LYRM4: variants seen among roughly 807,000 people sequenced by gnomAD.
LYRM4 encodes the protein LYR motif-containing protein 4.
In LYRM4, 9 loss-of-function variants were observed where a neutral mutation model predicts 11.7. The ratio of observed to expected loss-of-function variants is 0.77; its 90% CI spans 0.46 to 1.34. The LOEUF is 1.34. Ranked by LOEUF, LYRM4 falls within the 40% of genes most tolerant of loss-of-function variation. LYRM4 has a pLI of 0.00. For missense variants in LYRM4, 133 were observed against 112.5 expected (o/e 1.18, Z -0.82); for synonymous variants, 42 against 40.4 (o/e 1.04, Z -0.15).
the LYRM4 span, chr6:5,066,873 G>A: frequency 4.1e-6 from 4 of 978,164 alleles, no homozygotes; most frequent in Non-Finnish European, 6.2e-6. Context: ...GTTCCTCGCC[G>A]GCAAGTGCTT....
chr6:5,203,727 T>C (rs1258072210), intron 2 of LYRM4, among the ~76,000 whole-genome samples: 6 of 152,218 alleles, frequency 3.9e-5, no homozygotes, highest in Non-Finnish European at 8.8e-5. Flanking sequence ...ACGTGTATTA[T>C]AACAAGAACA....
intron 2 of LYRM4, among the ~76,000 whole-genome samples, chr6:5,124,118 A>C (rs7757651): frequency 0.18 from 27,693 of 152,082 alleles, 2,758 homozygotes; most frequent in African/African-American, 0.24. Flanking sequence ...GGGCTGTCTT[A>C]GGGCCTGGGG....
the LYRM4 span, chr6:5,086,559 C>G: frequency 7.2e-6 from 11 of 1,518,740 alleles, no homozygotes; most frequent in Non-Finnish European, 9.7e-6. Context: ...CGGACGCGCT[C>G]TGAGCCTGGA....
chr6:5,109,352 C>T lies in LYRM4; in HGVS notation c.*71G>A, dbSNP rs1762771153. Reference sequence around the variant, plus strand: ...GGCTATTGTAAGCTGGTTTTGGGAGCCCCCATCTCAAACAGAGAGTGGATG... The same window carrying T: ...GGCTATTGTAAGCTGGTTTTGGGAGTCCCCATCTCAAACAGAGAGTGGATG... On this transcript the variant is annotated 3_prime_UTR_variant, in exon 3 of 3. Transcript: ENST00000330636. The T allele has an allele frequency of 6.2e-7, 1 of 1,602,700 alleles. No individual in the cohort carries two copies. Among genetic ancestry groups the T allele is most frequent in the African/African-American group, 1.3e-5 (1 of 74,738 alleles).
At chr6:5,223,416 G>C (rs560505999) in intron 1 of LYRM4, among the ~76,000 whole-genome samples, 5 of 152,126 alleles carry the variant, frequency 3.3e-5, no homozygotes, top group African/African-American at 1.2e-4. Flanking sequence ...CGCATGTCTC[G>C]TAAGTGGCAG....
At chr6:5,179,102 G>T in intron 2 of LYRM4, among the ~76,000 whole-genome samples, 1 of 142,250 alleles carries the variant, frequency 7.0e-6, no homozygotes, top group African/African-American at 2.6e-5. Context: ...AAGAAAAGAG[G>T]AAACACCCCT....
At chr6:5,057,763 A>C in the LYRM4 span, among the ~76,000 whole-genome samples, 1 of 148,078 alleles carries the variant, frequency 6.8e-6, no homozygotes. Flanking sequence ...TGAAACGCTC[A>C]CTTTTTTTTT....
the LYRM4 span, among the ~76,000 whole-genome samples, chr6:5,063,308 G>A: frequency 4.6e-5 from 7 of 151,558 alleles, no homozygotes; most frequent in South Asian, 2.1e-4. Flanking sequence ...TGGGCTTTTC[G>A]GATGCACTGT....
intron 1 of LYRM4, among the ~76,000 whole-genome samples, chr6:5,217,928 T>C (rs576340073): frequency 5.9e-5 from 9 of 152,272 alleles, no homozygotes; most frequent in African/African-American, 2.2e-4. Context: ...TTTTTTTTCT[T>C]TTTTAGAGAT....
chr6:5,085,848 G>A, the LYRM4 span: 1 of 1,529,624 alleles, frequency 6.5e-7, no homozygotes, highest in Non-Finnish European at 8.7e-7. Flanking sequence ...AGCTCGGCCC[G>A]GGCGGCTGCT....
Position 5,180,955 on chromosome 6 carries a change from A to G in LYRM4, c.207+35663T>C, listed in dbSNP as rs147656747. ...GCCTCTCACCCTCCCTACATCCACT[A>G]CATTATTATTGAACCCTTTTCACTT... On this transcript the variant is annotated intron_variant, in intron 2 of 2. Transcript: ENST00000330636. Among the ~76,000 whole-genome samples the G allele has an allele frequency of 1.5e-3, 234 of 152,268 alleles. 1 individual carries two copies. Among genetic ancestry groups the G allele is most frequent in the Middle Eastern group, 6.8e-3 (2 of 294 alleles).
chr6:5,105,980 T>C (rs1225002247), downstream of LYRM4: 1 of 152,322 alleles, frequency 6.6e-6, no homozygotes, highest in Non-Finnish European at 1.5e-5. Flanking sequence ...GGAACTACCC[T>C]CTCCCCCAAT....
chr6:5,216,500 A>T lies in LYRM4; in HGVS notation c.207+118T>A, dbSNP rs77157197. ...ATGTCTGTATTAGTACAAGGAACAG[A>T]GTTTCATGATCCTGCTCTGTAAATC... On this transcript the variant is annotated intron_variant, in intron 2 of 2. Transcript: ENST00000330636. The T allele has an allele frequency of 5.5e-3, 6,344 of 1,153,168 alleles. 211 individuals are homozygous for T. The Admixed American group carries it at 0.064, about 12-fold the overall frequency. The allele number at this position is 1,153,168 out of a possible 1,614,324, so 71.4% of individuals were successfully genotyped here. A position where few individuals can be genotyped will look rare whatever the true frequency, so the allele number is the denominator to read the frequency against.
chr6:5,246,708 A>T (rs1764213327), intron 1 of LYRM4, among the ~76,000 whole-genome samples: 1 of 151,944 alleles, frequency 6.6e-6, no homozygotes, highest in South Asian at 2.1e-4. Context: ...GCGAGGAAGG[A>T]GTCTTGGACA....
At chr6:5,176,060 G>A (rs1266001116) in intron 2 of LYRM4, among the ~76,000 whole-genome samples, 3 of 125,896 alleles carry the variant, frequency 2.4e-5, no homozygotes, top group Admixed American at 1.7e-4. Context: ...GTTGTATTAC[G>A]CTATTAATTT....
Position 5,109,470 on chromosome 6 carries a change from A to C in LYRM4, c.229T>G (p.Ser77Ala). ...TTCTCAATGATCAGCTTGTCAGTTG[A>C]ATACAGTTGGCCAATGTGGACCTGA... ...RRQVHIGQLY[S>A]TDKLIIENRD... is the part of the protein sequence containing the mutation. Residue 77 changes from serine (S) to alanine (A), a missense_variant, in exon 3 of 3, where the codon TCA becomes GCA. Coordinates refer to ENST00000330636, the MANE Select transcript of LYRM4 (RefSeq NM_020408.6). 1.9e-6 allele frequency: 3 copies of C among 1,614,086 alleles called. No homozygotes were observed. Among genetic ancestry groups the C allele is most frequent in the Non-Finnish European group, 2.5e-6 (3 of 1,179,964 alleles).
intron 1 of LYRM4, among the ~76,000 whole-genome samples, chr6:5,239,107 C>T (rs1763715492): frequency 6.6e-6 from 1 of 152,136 alleles, no homozygotes; most frequent in Non-Finnish European, 1.5e-5. Flanking sequence ...TAGATAGACC[C>T]GGAGGGGGCT....
intron 2 of LYRM4, among the ~76,000 whole-genome samples, chr6:5,158,473 G>GTTTT (rs3055917): frequency 1.6e-5 from 2 of 128,556 alleles, no homozygotes; most frequent in African/African-American, 2.9e-5. Flanking sequence ...TGGTCTCCAC[G>GTTTT]TTTTTTTTTT....
chr6:5,141,524 T>C (rs754634689), intron 2 of LYRM4, among the ~76,000 whole-genome samples: 5 of 152,210 alleles, frequency 3.3e-5, no homozygotes, highest in Non-Finnish European at 5.9e-5. Context: ...GGAACAGTAC[T>C]GGTGTGGATG....
Sources: gnomAD v4.1 joint callset for allele counts (sites outside exome capture counted in the v4.1 genomes callset) on GRCh38, gnomAD v4.1.1 for gene constraint, MANE v1.5 for transcripts, NCBI Gene and HGNC (gene_info 2026-07-23, HGNC 2026-07-21) for gene names.